The following SCO1 variants were observed in gnomAD, a reference collection of about 807,000 sequenced individuals.
SCO1 encodes the protein synthesis of cytochrome C oxidase 1.
In SCO1, 23 loss-of-function variants were observed where a neutral mutation model predicts 34.0. The observed-to-expected ratio is 0.68, with a 90% CI of 0.49 to 0.96. SCO1 has a LOEUF of 0.96. Ranked by LOEUF, SCO1 falls within the 40% of genes least tolerant of loss-of-function variation. The pLI is 0.00. For missense variants in SCO1, 404 were observed against 381.6 expected (o/e 1.06, Z -0.49); for synonymous variants, 161 against 145.5 (o/e 1.11, Z -0.77).
In SCO1 at chr17:10,673,958, C is replaced by A. The variant is rs911793383; in HGVS notation, c.*7161G>T. 6.6e-6 allele frequency: 1 copy of A among 152,068 alleles called. No individual in the cohort carries two copies. The highest frequency in any genetic ancestry group is 2.4e-5 in the African/African-American group (1 of 41,390). 9.4% of individuals were successfully genotyped at this position (152,068 alleles called of 1,614,324 possible). A position where few individuals can be genotyped will look rare whatever the true frequency, so the allele number is the denominator to read the frequency against. ...CTCTTCAAATTGTGTTTCATGGGAG[C>A]GAAATTAAATAAAGAGCTTCCTGGA... On this transcript the variant is annotated 3_prime_UTR_variant, in exon 6 of 6. Transcript: ENST00000255390.
Position 10,695,743 on chromosome 17 carries a change from T to C in SCO1, c.362A>G (p.Glu121Gly). Reference sequence around the variant, plus strand: ...TGAGCAGATGATAATCTACTTACTCTCTGCCTTTTCTTTCTTGACGTGCTT... The same window carrying C: ...TGAGCAGATGATAATCTACTTACTCCCTGCCTTTTCTTTCTTGACGTGCTT... ...GMKHVKKEKA[E>G]KLEKERQRHI... is the part of the protein sequence containing the mutation. The change falls in exon 2 of 6, where the codon GAG becomes GGG. Residue 121 changes from glutamate (E) to glycine (G), a missense_variant and splice_region_variant. By Grantham distance (98) the Glu-to-Gly change is moderately conservative (BLOSUM62 -2). Transcript: ENST00000255390. 1 of 1,606,574 alleles carries C rather than the reference T, an allele frequency of 6.2e-7. No individual in the cohort carries two copies. The highest frequency in any genetic ancestry group is 8.5e-7 in the Non-Finnish European group (1 of 1,173,328).
rs1224695466 is a variant in SCO1 at position 10,697,266 on chromosome 17, G to C, written c.242C>G (p.Pro81Arg). ...CTTCGAGGGGCGCGTGGAGTCTCCGGGGCCCTTCTGCGACCACGGGGGTGG... is the reference window on the plus strand; with the variant it reads ...CTTCGAGGGGCGCGTGGAGTCTCCGCGGCCCTTCTGCGACCACGGGGGTGG... ...RPPPPWSQKGPGDSTRPSKPG... is the reference protein window; with the variant it reads ...RPPPPWSQKGRGDSTRPSKPG... Residue 81 changes from proline (P) to arginine (R), a missense_variant, in exon 1 of 6, where the codon CCC becomes CGC. Physicochemically the swap from Pro to Arg is moderately radical, Grantham distance 103. Transcript: ENST00000255390. The C allele has an allele frequency of 1.9e-6, 3 of 1,567,008 alleles. No individual in the cohort carries two copies. In the East Asian group the frequency reaches 7.0e-5, roughly 37 times the overall value.
intron 4 of SCO1, among the ~76,000 whole-genome samples, chr17:10,688,564 T>C (rs1367676753): frequency 6.6e-6 from 1 of 152,172 alleles, no homozygotes. Context: ...AAATATACCA[T>C]TTTGGAAAAC....
intron 5 of SCO1, among the ~76,000 whole-genome samples, chr17:10,683,414 T>C (rs1348232939): frequency 6.6e-6 from 1 of 152,172 alleles, no homozygotes; most frequent in Non-Finnish European, 1.5e-5. Context: ...AAGTAGAATC[T>C]CTTGCATAAA....
chr17:10,695,921 T>C (rs2074720184), intron 1 of SCO1, 90 bp from the exon 2 acceptor site: 1 of 910,752 alleles, frequency 1.1e-6, no homozygotes, highest in Non-Finnish European at 1.8e-6. Context: ...TTAATATACA[T>C]ACACACAGGC....
Position 10,686,815 on chromosome 17 carries a change from G to C in SCO1, c.683C>G (p.Thr228Ser), listed in dbSNP as rs1342263841. The C allele has an allele frequency of 6.2e-7, 1 of 1,613,850 alleles. No homozygotes were observed. Among genetic ancestry groups the C allele is most frequent in the Non-Finnish European group, 8.5e-7 (1 of 1,179,776 alleles). The change falls in exon 5 of 6, where the codon ACT becomes AGT. Residue 228 changes from threonine to serine, a missense_variant. Physicochemically the swap from Thr to Ser is moderately conservative, Grantham distance 58 (BLOSUM62 1). Transcript: ENST00000255390. ...TTGATCGACCTCTTCTCTCGTGCCA[G>C]TCAAGCCAACCAGTTTGGGAGAAAA... ...KEFSPKLVGL[T>S]GTREEVDQVA...
intron 5 of SCO1, among the ~76,000 whole-genome samples, chr17:10,682,287 T>C (rs1325263302): frequency 6.6e-6 from 1 of 152,190 alleles, no homozygotes; most frequent in Non-Finnish European, 1.5e-5. Context: ...TGTGAGGGTA[T>C]TATTTTTTAT....
intron 1 of SCO1, among the ~76,000 whole-genome samples, chr17:10,696,134 G>A (rs556542710): frequency 2.2e-5 from 3 of 139,236 alleles, no homozygotes; most frequent in African/African-American, 7.9e-5. Flanking sequence ...TGTGACCCTA[G>A]CTCCAGTAAT....
rs1567577782 is a variant in SCO1 at position 10,697,485 on chromosome 17, G to A, written c.23C>T (p.Pro8Leu). The A allele has an allele frequency of 1.9e-6, 3 of 1,613,470 alleles. No individual in the cohort carries two copies. Among genetic ancestry groups the A allele is most frequent in the Admixed American group, 1.7e-5 (1 of 60,000 alleles). Residue 8 changes from proline (P) to leucine (L), a missense_variant, in exon 1 of 6, where the codon CCC (proline) becomes CTC (leucine). Coordinates refer to ENST00000255390, the MANE Select transcript of SCO1 (RefSeq NM_004589.4). MAMLVLV[P>L]GRVMRPLGGQ... ...ACCCAGAGGCCGCATAACTCGTCCG[G>A]GTACTAGGACCAGCATCGCCATGAG...
intron 5 of SCO1, among the ~76,000 whole-genome samples, chr17:10,685,089 C>T (rs1164766455): frequency 6.6e-6 from 1 of 152,220 alleles, no homozygotes; most frequent in Admixed American, 6.5e-5. Context: ...CAGGGGCACA[C>T]ACGTTCCAGG....
rs753469955 is a variant in SCO1, at chr17:10,697,522, G to T, written c.-15C>A. 2.1e-5 allele frequency: 34 copies of T among 1,612,798 alleles called. No individual in the cohort carries two copies. Among genetic ancestry groups the T allele is most frequent in the Non-Finnish European group, 2.6e-5 (31 of 1,179,812 alleles). The stretch of plus-strand genomic sequence containing the variant: ...AGCATCGCCATGAGCCTCGGAGACC[G>T]GGTCTCCTTTGACCCTCCCCGCGAT... On this transcript the variant is annotated 5_prime_UTR_variant, in exon 1 of 6. Coordinates refer to ENST00000255390, the MANE Select transcript of SCO1 (RefSeq NM_004589.4).
Position 10,685,091 on chromosome 17 carries a change from C to T in SCO1, c.771+1636G>A, listed in dbSNP as rs566884188. 9.8e-4 allele frequency among the ~76,000 whole-genome samples: 150 copies of T among 152,304 alleles called. 2 individuals carry two copies. The highest frequency in any genetic ancestry group is 3.4e-3 in the African/African-American group (141 of 41,566). On this transcript the variant is annotated intron_variant, in intron 5 of 5. Transcript: ENST00000255390. ...AGGCTGTAGGCTCCAGGGGCACACA[C>T]GTTCCAGGTTCAAAGGGACAAAGAA... is the stretch of plus-strand genomic sequence containing the variant.
At position 10,680,611 on chromosome 17, in the gene SCO1, CT is replaced by C. The variant is rs1397965181; in HGVS notation, c.*507del. 1.8e-5 allele frequency: 3 copies of C among 162,782 alleles called. No homozygotes were observed. Among genetic ancestry groups the C allele is most frequent in the Non-Finnish European group, 4.1e-5 (3 of 73,686 alleles). The allele number at this position is 162,782 out of a possible 1,614,324, so 10.1% of individuals were successfully genotyped here. A position where few individuals can be genotyped will look rare whatever the true frequency, so the allele number is the denominator to read the frequency against. On this transcript the variant is annotated 3_prime_UTR_variant, in exon 6 of 6. Coordinates refer to ENST00000255390, the MANE Select transcript of SCO1 (RefSeq NM_004589.4). ...GAAAACTAAAGTTTTCAAGCATCAA[CT>C]CTGAATGGCAGAGACCCTAATCTGA...
chr17:10,684,039 T>C (rs1284276435), intron 5 of SCO1: 1 of 152,204 alleles, frequency 6.6e-6, no homozygotes, highest in South Asian at 2.1e-4. Flanking sequence ...AGCTGAAGAA[T>C]GTCTCCCCCT....
Position 10,672,864 on chromosome 17 carries a change from T to C in SCO1, c.*8255A>G, listed in dbSNP as rs943491871. ...TATTGTGAATTTAGTAATTTTTAAA[T>C]ACAGTAGGCATTGATTTTTGCATAT... is the stretch of plus-strand genomic sequence containing the variant. On this transcript the variant is annotated 3_prime_UTR_variant, in exon 6 of 6. Transcript: ENST00000255390. The C allele has an allele frequency of 6.6e-6, 1 of 152,210 alleles. No homozygotes were observed. Among genetic ancestry groups the C allele is most frequent in the South Asian group, 2.1e-4 (1 of 4,836 alleles). 9.4% of individuals were successfully genotyped at this position (152,210 alleles called of 1,614,324 possible).
At chr17:10,682,497 C>T (rs1296955191) in intron 5 of SCO1, among the ~76,000 whole-genome samples, 2 of 152,178 alleles carry the variant, frequency 1.3e-5, no homozygotes, top group Non-Finnish European at 2.9e-5. Context: ...TCAAGCCTTA[C>T]TCTGTAGCTT....
At chr17:10,696,810 A>G (rs894108588) in intron 1 of SCO1, among the ~76,000 whole-genome samples, 11 of 152,216 alleles carry the variant, frequency 7.2e-5, no homozygotes, top group African/African-American at 2.7e-4. Flanking sequence ...AGATCCACAC[A>G]TAACTAAGTT....
At position 10,679,335 on chromosome 17, in the gene SCO1, ATC is replaced by A. The variant is rs1402947733; in HGVS notation, c.*1782_*1783del. The A allele has an allele frequency of 6.6e-6, 1 of 152,202 alleles. No individual in the cohort carries two copies. The highest frequency in any genetic ancestry group is 1.9e-4 in the East Asian group (1 of 5,190). The allele number at this position is 152,202 out of a possible 1,614,324, so 9.4% of individuals were successfully genotyped here. On this transcript the variant is annotated 3_prime_UTR_variant, in exon 6 of 6. Transcript: ENST00000255390. ...ATTTAACTATCTCTCTAAAGACCCT[ATC>A]TCCAATTACAGTCACATTCTGAAGT...
chr17:10,695,958 C>A (rs2074720471), intron 1 of SCO1, 127 bp from the exon 2 acceptor site: 1 of 687,110 alleles, frequency 1.5e-6, no homozygotes, highest in Non-Finnish European at 2.5e-6. Flanking sequence ...CAAAATGTTT[C>A]AGGGATGAGA....
Sources: gnomAD v4.1 joint callset for allele counts (sites outside exome capture counted in the v4.1 genomes callset) on GRCh38, gnomAD v4.1.1 for gene constraint, MANE v1.5 for transcripts, NCBI Gene and HGNC (gene_info 2026-07-23, HGNC 2026-07-21) for gene names.